The following EFCAB8 variants were observed in gnomAD, a reference collection of about 807,000 sequenced individuals.
EFCAB8 encodes EF-hand calcium binding domain 8.
In EFCAB8, 100 loss-of-function variants were observed where a neutral mutation model predicts 116.3. That is an observed-to-expected ratio of 0.86 (90% CI 0.73 to 1.02). The LOEUF (loss-of-function observed/expected upper bound fraction) is 1.02. Among genes scored for constraint, EFCAB8 ranks in the 50% least tolerant of loss-of-function variants. The pLI, the probability that EFCAB8 is intolerant of heterozygous loss-of-function variation, is 0.00. For synonymous variants in EFCAB8, 558 were observed against 567.9 expected, an observed-to-expected ratio of 0.98 and a Z score of 0.25; for missense variants, 1,320 against 1,416.9, an observed-to-expected ratio of 0.93 and a Z score of 1.10.
intron 4 of EFCAB8, 115 bp downstream of exon 4, chr20:32,876,159 G>C: frequency 1.1e-6 from 1 of 901,340 alleles, no homozygotes; most frequent in African/African-American, 1.7e-5. Context: ...AAGCCTCCCT[G>C]TGGATTCTGG....
At chr20:32,868,638 CTG>C (rs1984541520) in intron 3 of EFCAB8, among the ~76,000 whole-genome samples, 1 of 152,130 alleles carries the variant, frequency 6.6e-6, no homozygotes, top group South Asian at 2.1e-4. Context: ...GGGCAGGAGT[CTG>C]GGCATGGCTT....
chr20:32,868,117 A>G (rs774348087), intron 3 of EFCAB8, among the ~76,000 whole-genome samples: 5 of 152,006 alleles, frequency 3.3e-5, no homozygotes, highest in Non-Finnish European at 7.4e-5. Flanking sequence ...TTTTGCACCA[A>G]TGTGATATGT....
At chr20:32,951,648 A>G (rs1283879622) in intron 23 of EFCAB8, among the ~76,000 whole-genome samples, 2 of 152,226 alleles carry the variant, frequency 1.3e-5, no homozygotes, top group African/African-American at 2.4e-5. Context: ...TGGTTATTGC[A>G]TGTCAATTAT....
chr20:32,931,399 C>A, intron 22 of EFCAB8, 63 bp downstream of exon 22: 1 of 1,440,546 alleles, frequency 6.9e-7, no homozygotes, highest in South Asian at 1.5e-5. Context: ...TGAGCTAGGA[C>A]CATAAACTAA....
intron 16 of EFCAB8, among the ~76,000 whole-genome samples, chr20:32,911,958 A>G (rs1986946998): frequency 6.6e-6 from 1 of 152,178 alleles, no homozygotes; most frequent in East Asian, 1.9e-4. Context: ...AGCACTTCTC[A>G]TTCCACATAC....
intron 3 of EFCAB8, among the ~76,000 whole-genome samples, chr20:32,872,855 G>T (rs1984754674): frequency 1.3e-5 from 2 of 151,200 alleles, no homozygotes; most frequent in Non-Finnish European, 2.9e-5. Context: ...ATTTTGGGAG[G>T]CCGAGGTGGG....
intron 2 of EFCAB8, among the ~76,000 whole-genome samples, chr20:32,865,440 T>C (rs1246310688): frequency 1.3e-5 from 2 of 152,118 alleles, no homozygotes; most frequent in African/African-American, 4.8e-5. Context: ...GGAAGTACTT[T>C]GAATGCTACA....
chr20:32,885,638 A>G lies in EFCAB8; in HGVS notation c.565A>G (p.Arg189Gly), dbSNP rs549762600. ...SESFSLMSSF[R>G]LNQTQQLYNQ... ...GTCCTTCTCGCTGATGAGCTCCTTT[A>G]GGGTGAGTGGGGCCCCTACACATGG... The change falls in exon 6 of 27, where the codon AGG becomes GGG. Residue 189 changes from arginine to glycine, a missense_variant and splice_region_variant. Transcript: ENST00000400522. The G allele has an allele frequency of 7.1e-6, 11 of 1,551,596 alleles. No individual in the cohort carries two copies. Among genetic ancestry groups the G allele is most frequent in the Non-Finnish European group, 7.8e-6 (9 of 1,146,952 alleles).
intron 12 of EFCAB8, 39 bp downstream of exon 12, chr20:32,906,668 A>G (rs1254490245): frequency 1.4e-6 from 1 of 716,972 alleles, no homozygotes; most frequent in Non-Finnish European, 2.6e-6. Flanking sequence ...TGCTGGGGGG[A>G]GGGCTGCTGG....
intron 20 of EFCAB8, among the ~76,000 whole-genome samples, chr20:32,929,350 C>T (rs961150765): frequency 2.0e-5 from 3 of 151,982 alleles, no homozygotes; most frequent in African/African-American, 7.2e-5. Flanking sequence ...ACCCTGGCAC[C>T]GGGGCCAGTG....
At chr20:32,911,343 G>C (rs1840604783) in intron 15 of EFCAB8, 137 bp from the exon 16 acceptor site, 3 of 683,562 alleles carry the variant, frequency 4.4e-6, no homozygotes, top group Non-Finnish European at 6.9e-6. Context: ...TTCAAAAGTG[G>C]CTTATGCTGT....
chr20:32,886,312 C>T (rs1985627809), intron 6 of EFCAB8, among the ~76,000 whole-genome samples: 3 of 152,140 alleles, frequency 2.0e-5, no homozygotes, highest in Admixed American at 2.0e-4. Flanking sequence ...TGTCTTTGTG[C>T]TGCCAGCTCT....
At chr20:32,882,068 G>GCT (rs1368778932) in intron 5 of EFCAB8, among the ~76,000 whole-genome samples, 1 of 152,120 alleles carries the variant, frequency 6.6e-6, no homozygotes, top group Admixed American at 6.5e-5. Flanking sequence ...TGTGGTGGCA[G>GCT]GCACCTGTAA....
At chr20:32,956,545 T>C (rs932080033) in intron 23 of EFCAB8, among the ~76,000 whole-genome samples, 7 of 152,188 alleles carry the variant, frequency 4.6e-5, no homozygotes, top group Non-Finnish European at 1.0e-4. Context: ...AATTTAAGAC[T>C]ATTTTACTGG....
intron 3 of EFCAB8, among the ~76,000 whole-genome samples, chr20:32,873,150 A>C (rs1600367474): frequency 6.6e-6 from 1 of 152,122 alleles, no homozygotes; most frequent in Non-Finnish European, 1.5e-5. Context: ...AACAAAACAC[A>C]AAACAGTGAA....
In EFCAB8 at chr20:32,961,385, T is replaced by C; in HGVS notation, c.3643T>C (p.Ser1215Pro). 4 of 1,459,514 alleles carry C rather than the reference T, an allele frequency of 2.7e-6. No individual in the cohort carries two copies. The highest frequency in any genetic ancestry group is 2.7e-6 in the Non-Finnish European group (3 of 1,104,186). The allele number at this position is 1,459,514 out of a possible 1,614,324, so 90.4% of individuals were successfully genotyped here. A position where few individuals can be genotyped will look rare whatever the true frequency, so the allele number is the denominator to read the frequency against. Reference protein sequence around the residue: ...VTASASRLLDSSLPTFLTPQF... With the variant: ...VTASASRLLDPSLPTFLTPQF... ...TGCCTCAGCCTCCAGGCTGCTGGAC[T>C]CCAGCTTGCCCACCTTCCTGACGCC... Residue 1215 changes from serine (S) to proline (P), a missense_variant, in exon 27 of 27, where the codon TCC becomes CCC. Transcript: ENST00000400522.
intron 24 of EFCAB8, 62 bp downstream of exon 24, chr20:32,958,612 C>G (rs1989045511): frequency 4.9e-6 from 2 of 411,256 alleles, no homozygotes; most frequent in Non-Finnish European, 8.9e-6. Context: ...GTGAGTCTTC[C>G]CAGGTCCTGG....
intron 9 of EFCAB8, among the ~76,000 whole-genome samples, chr20:32,895,849 G>T (rs1328510977): frequency 6.6e-6 from 1 of 152,114 alleles, no homozygotes; most frequent in Non-Finnish European, 1.5e-5. Context: ...GGGATTACAG[G>T]CGTGAGCCAC....
chr20:32,946,114 C>T (rs1484298022), intron 23 of EFCAB8, among the ~76,000 whole-genome samples: 1 of 152,222 alleles, frequency 6.6e-6, no homozygotes, highest in Non-Finnish European at 1.5e-5. Context: ...CACAGAGCGG[C>T]AGGAGGGACT....
Sources: gnomAD v4.1 joint callset for allele counts (sites outside exome capture counted in the v4.1 genomes callset) on GRCh38, gnomAD v4.1.1 for gene constraint, MANE v1.5 for transcripts, NCBI Gene and HGNC (gene_info 2026-07-23, HGNC 2026-07-21) for gene names.